Variants in OR2I1 observed in about 807,000 individuals in gnomAD.
OR2I1 encodes the protein olfactory receptor family 2 subfamily I member 1 (gene/pseudogene).
chr6:29,554,525 T>G, the OR2I1 span: 1 of 169,234 alleles, frequency 5.9e-6, no homozygotes, highest in Non-Finnish European at 1.2e-5. Context: ...AAAATCATAG[T>G]CCCTACCCTG....
the OR2I1 span, chr6:29,554,104 A>T: frequency 2.5e-6 from 1 of 399,174 alleles, no homozygotes; most frequent in Non-Finnish European, 4.4e-6. Context: ...CAGGAATAAG[A>T]AAGTGAAGGG....
At chr6:29,552,444 C>T in the OR2I1 span, among the ~76,000 whole-genome samples, 1 of 152,160 alleles carries the variant, frequency 6.6e-6, no homozygotes, top group Non-Finnish European at 1.5e-5. Flanking sequence ...TGCTGATCTC[C>T]CCTCAGTGGG....
At chr6:29,552,377 A>T in the OR2I1 span, among the ~76,000 whole-genome samples, 1 of 152,246 alleles carries the variant, frequency 6.6e-6, no homozygotes, top group Non-Finnish European at 1.5e-5. Flanking sequence ...CTAGTCTACC[A>T]GAAAGTGTTC....
At chr6:29,552,584 T>TCCATGAATTGGGCGGCTCCAAG in the OR2I1 span, among the ~76,000 whole-genome samples, 2 of 151,960 alleles carry the variant, frequency 1.3e-5, no homozygotes. Flanking sequence ...TGAGCAGTGA[T>TCCATGAATTGGGCGGCTCCAAG]CCAGAAGTGG....
the OR2I1 span, chr6:29,555,773 T>G: frequency 1.2e-6 from 1 of 846,768 alleles, no homozygotes; most frequent in Non-Finnish European, 1.9e-6. Context: ...ACTCTACTCA[T>G]CTCATTCTCA....
the OR2I1 span, chr6:29,554,314 C>T: frequency 5.0e-6 from 2 of 396,070 alleles, no homozygotes; most frequent in Non-Finnish European, 8.9e-6. Flanking sequence ...TGTTTTCCTC[C>T]CGTGAGGAAA....
At chr6:29,556,223 A>G in the OR2I1 span, 1 of 1,613,122 alleles carries the variant, frequency 6.2e-7, no homozygotes, top group Non-Finnish European at 8.5e-7. Context: ...CTTGGAGCCC[A>G]GCAAAAGAAC....
the OR2I1 span, chr6:29,553,568 T>C: frequency 1.0e-5 from 4 of 398,278 alleles, no homozygotes; most frequent in Admixed American, 4.4e-5. Context: ...CTGGCGGTGA[T>C]GGCTCTGGAC....
At chr6:29,556,574 G>A in the OR2I1 span, 7 of 518,188 alleles carry the variant, frequency 1.4e-5, no homozygotes, top group Admixed American at 1.4e-4. Flanking sequence ...CCTTTTTTTC[G>A]ATCTTGAGAA....
chr6:29,556,564 C>T, the OR2I1 span: 2 of 527,966 alleles, frequency 3.8e-6, no homozygotes, highest in East Asian at 2.9e-5. Flanking sequence ...TATAATCACA[C>T]CTTTTTTTCG....
the OR2I1 span, chr6:29,555,768 A>C: frequency 9.1e-6 from 7 of 772,036 alleles, no homozygotes; most frequent in Non-Finnish European, 1.5e-5. Context: ...ATCTTACTCT[A>C]CTCATCTCAT....
chr6:29,551,194 T>C, the OR2I1 span, among the ~76,000 whole-genome samples: 3,946 of 152,324 alleles, frequency 0.026, 142 homozygotes, highest in African/African-American at 0.075. Flanking sequence ...GAATTTGACC[T>C]TTTGTAACTC....
the OR2I1 span, chr6:29,553,132 C>T: frequency 7.5e-6 from 3 of 397,856 alleles, no homozygotes; most frequent in African/African-American, 6.2e-5. Context: ...CCCAGCCCAG[C>T]CCCACACTCC....
chr6:29,556,671 A>G, the OR2I1 span: 1 of 325,450 alleles, frequency 3.1e-6, no homozygotes, highest in African/African-American at 2.1e-5. Context: ...AAACTTAGTC[A>G]TTGGGCCAAG....
At chr6:29,554,732 C>T in the OR2I1 span, 2 of 152,014 alleles carry the variant, frequency 1.3e-5, no homozygotes, top group African/African-American at 4.8e-5. Context: ...GGAGTTGGTT[C>T]TTGAGCAAGT....
At chr6:29,553,477 C>T in the OR2I1 span, 51 of 398,742 alleles carry the variant, frequency 1.3e-4, no homozygotes, top group East Asian at 1.7e-3. Context: ...CCTGCGCGGA[C>T]CAGCGCTCTG....
At chr6:29,556,518 G>A in the OR2I1 span, 1 of 574,514 alleles carries the variant, frequency 1.7e-6, no homozygotes, top group Non-Finnish European at 3.1e-6. Context: ...GAATTACCAA[G>A]TTACAACACA....
At chr6:29,552,705 T>A in the OR2I1 span, 1 of 152,360 alleles carries the variant, frequency 6.6e-6, no homozygotes, top group Non-Finnish European at 1.5e-5. Flanking sequence ...GTTATACAGT[T>A]GCCTTATTTG....
chr6:29,556,175 A>G, the OR2I1 span: 402,508 of 1,612,762 alleles, frequency 0.25, 53,834 homozygotes, highest in South Asian at 0.32. Context: ...CTCTTTGTCA[A>G]TGCCATAAGA....
Sources: gnomAD v4.1 joint callset for allele counts (sites outside exome capture counted in the v4.1 genomes callset) on GRCh38, gnomAD v4.1.1 for gene constraint, MANE v1.5 for transcripts, NCBI Gene and HGNC (gene_info 2026-07-23, HGNC 2026-07-21) for gene names.